Variants in PCDHGA5 observed in about 807,000 individuals in gnomAD.
PCDHGA5 encodes protocadherin gamma-A5.
In PCDHGA5, 36 loss-of-function variants were observed where a neutral mutation model predicts 56.7. The observed-to-expected ratio is 0.64, with a 90% CI of 0.49 to 0.84. The LOEUF is 0.84. PCDHGA5 is among the 40% of genes least tolerant of loss of function. PCDHGA5 has a pLI of 0.00. For missense variants in PCDHGA5, 1,305 were observed against 1,201.5 expected, an observed-to-expected ratio of 1.09 and a Z score of -1.27; for synonymous variants, 563 against 520.2, an observed-to-expected ratio of 1.08 and a Z score of -1.12.
intron 1 of PCDHGA5, chr5:141,388,959 G>C: frequency 6.2e-7 from 1 of 1,613,996 alleles, no homozygotes; most frequent in Non-Finnish European, 8.5e-7. Flanking sequence ...GGAGGACGCC[G>C]AGCTGGGAAC....
intron 1 of PCDHGA5, chr5:141,408,082 G>C (rs890768118): frequency 2.1e-6 from 3 of 1,417,248 alleles, no homozygotes; most frequent in Non-Finnish European, 1.9e-6. Flanking sequence ...TCCCAGCACA[G>C]CGGATTGCCA....
Position 141,422,522 on chromosome 5 carries a change from C to T in PCDHGA5, c.2421+55771C>T, listed in dbSNP as rs767482856. On this transcript the variant is annotated intron_variant, in intron 1 of 3. Coordinates refer to ENST00000518069, the MANE Select transcript of PCDHGA5 (RefSeq NM_018918.3). Reference sequence around the variant, plus strand: ...ACAGCCACAGACCAGGGAAGCCCGCCTTTGTCTGCAGAAACTCATGTCTGG... The same window carrying T: ...ACAGCCACAGACCAGGGAAGCCCGCTTTTGTCTGCAGAAACTCATGTCTGG... 11 of 1,614,014 alleles carry T rather than the reference C, an allele frequency of 6.8e-6. No homozygotes were observed. In the South Asian group the frequency reaches 1.1e-4, roughly 16 times the overall value.
intron 1 of PCDHGA5, among the ~76,000 whole-genome samples, chr5:141,437,781 A>G (rs957126405): frequency 7.3e-5 from 11 of 149,878 alleles, no homozygotes; most frequent in Admixed American, 6.7e-5. Flanking sequence ...ATCTGTCGCC[A>G]AGCTGGAGTG....
At chr5:141,414,670 A>G in intron 1 of PCDHGA5, 1 of 1,613,894 alleles carries the variant, frequency 6.2e-7, no homozygotes. Context: ...GGCTGAAGAC[A>G]CCATCCAGGG....
At position 141,491,832 on chromosome 5, in the gene PCDHGA5, C is replaced by T. The variant is rs755882255; in HGVS notation, c.2422-2975C>T. On this transcript the variant is annotated intron_variant, in intron 1 of 3. Coordinates refer to ENST00000518069, the MANE Select transcript of PCDHGA5 (RefSeq NM_018918.3). The surrounding 1 kb of genome is among the most constrained non-coding windows in gnomAD (Gnocchi z 6.9). ...GTCGCTGGCTGCGCTCCACCCGATT[C>T]TCGGGATCATTGGACCGTTTGCGCG... 1.6e-5 allele frequency: 24 copies of T among 1,474,306 alleles called. No individual in the cohort carries two copies. The highest frequency in any genetic ancestry group is 2.0e-5 in the Non-Finnish European group (22 of 1,112,688). 91.3% of individuals were successfully genotyped at this position (1,474,306 alleles called of 1,614,324 possible). A position where few individuals can be genotyped will look rare whatever the true frequency, so the allele number is the denominator to read the frequency against.
intron 1 of PCDHGA5, chr5:141,399,759 G>A: frequency 1.2e-6 from 2 of 1,613,348 alleles, no homozygotes; most frequent in Non-Finnish European, 1.7e-6. Flanking sequence ...ACGTGAGCCT[G>A]CGCGTGTTGG....
chr5:141,375,863 G>A, intron 1 of PCDHGA5: 3 of 1,613,986 alleles, frequency 1.9e-6, no homozygotes, highest in East Asian at 2.2e-5. Context: ...GGTGGTGGCG[G>A]TGGACAGAGA....
At chr5:141,403,196 G>A (rs762413220) in intron 1 of PCDHGA5, 6 of 1,613,986 alleles carry the variant, frequency 3.7e-6, no homozygotes, top group East Asian at 4.5e-5. Flanking sequence ...CCCGCGCAGC[G>A]GCACCTTGGT....
Position 141,365,007 on chromosome 5 carries a change from C to A in PCDHGA5, c.677C>A (p.Thr226Lys), listed in dbSNP as rs776739278. Residue 226 changes from threonine (T) to lysine (K), a missense_variant, in exon 1 of 4, where the codon ACG becomes AAG. Thr to Lys is a moderately conservative substitution (Grantham distance 78, BLOSUM62 -1). Coordinates refer to ENST00000518069, the MANE Select transcript of PCDHGA5 (RefSeq NM_018918.3). ...GGAGACCCGGTACTCTCCGGCACCA[C>A]GCACATCCGTGTTACGGTCCTCGAC... The part of the protein sequence containing the change: ...DGGDPVLSGT[T>K]HIRVTVLDAN... 3 of 1,613,922 alleles carry A rather than the reference C, an allele frequency of 1.9e-6. No individual in the cohort carries two copies. The highest frequency in any genetic ancestry group is 2.5e-6 in the Non-Finnish European group (3 of 1,179,908).
At position 141,432,644 on chromosome 5, in the gene PCDHGA5, G is replaced by A; in HGVS notation, c.2422-62163G>A. The A allele has an allele frequency of 1.2e-6, 2 of 1,613,812 alleles. No homozygotes were observed. The highest frequency in any genetic ancestry group is 1.7e-6 in the Non-Finnish European group (2 of 1,179,942). ...TCTGCACACGGGCGAGGTGCGCACG[G>A]CGCGAGCCCTGCTGGACAGAGACGC... On this transcript the variant is annotated intron_variant, in intron 1 of 3. Coordinates refer to ENST00000518069, the MANE Select transcript of PCDHGA5 (RefSeq NM_018918.3). The surrounding 1 kb of genome is among the most constrained non-coding windows in gnomAD (Gnocchi z 6.0).
chr5:141,433,352 T>C (rs976015031), intron 1 of PCDHGA5: 16 of 614,162 alleles, frequency 2.6e-5, no homozygotes, highest in Non-Finnish European at 3.7e-5. Flanking sequence ...AGCCACCTAC[T>C]GTCTGCCTAT....
intron 1 of PCDHGA5, chr5:141,373,900 C>G (rs1392088085): frequency 1.8e-6 from 1 of 550,068 alleles, no homozygotes; most frequent in Non-Finnish European, 3.0e-6. Context: ...CAAGTTACAT[C>G]CTCCAACAAC....
intron 2 of PCDHGA5, among the ~76,000 whole-genome samples, chr5:141,497,132 G>T (rs2099774325): frequency 6.6e-6 from 1 of 152,046 alleles, no homozygotes; most frequent in Non-Finnish European, 1.5e-5. Context: ...GTTGCAGTGA[G>T]CTGAGATCAC....
At chr5:141,404,806 G>T (rs774487660) in intron 1 of PCDHGA5, 2 of 1,613,992 alleles carry the variant, frequency 1.2e-6, no homozygotes, top group South Asian at 1.1e-5. Context: ...GGCTCTTCTC[G>T]GTGGGGCTGC....
Position 141,487,298 on chromosome 5 carries a change from G to T in PCDHGA5, c.2422-7509G>T. 6.2e-7 allele frequency: 1 copy of T among 1,614,072 alleles called. No individual in the cohort carries two copies. Among genetic ancestry groups the T allele is most frequent in the Non-Finnish European group, 8.5e-7 (1 of 1,180,018 alleles). ...TTGCTTTGTCTCCTTTGGCTCATTC[G>T]TGGCACTACTCTCTAAGTGTCTTCG... On this transcript the variant is annotated intron_variant, in intron 1 of 3. Coordinates refer to ENST00000518069, the MANE Select transcript of PCDHGA5 (RefSeq NM_018918.3). This position sits in a 1 kb window ranked among gnomAD's most constrained non-coding sequence, Gnocchi z 5.0.
At position 141,511,355 on chromosome 5, in the gene PCDHGA5, G is replaced by A; in HGVS notation, c.*182G>A. On this transcript the variant is annotated 3_prime_UTR_variant, in exon 4 of 4. Coordinates refer to ENST00000518069, the MANE Select transcript of PCDHGA5 (RefSeq NM_018918.3). ...TCAGCACCTACCCCTTCCCCCCCAG[G>A]GGGTTGAATATGCAAAAGCAGTTCC... 4 of 1,379,256 alleles carry A rather than the reference G, an allele frequency of 2.9e-6. No individual in the cohort carries two copies. The highest frequency in any genetic ancestry group is 3.9e-6 in the Non-Finnish European group (4 of 1,035,886). 85.4% of individuals were successfully genotyped at this position (1,379,256 alleles called of 1,614,324 possible).
chr5:141,371,947 G>A (rs1208928523), intron 1 of PCDHGA5: 3 of 1,613,182 alleles, frequency 1.9e-6, no homozygotes, highest in Admixed American at 3.3e-5. Context: ...TTCGCGCAGC[G>A]AGCCTTCGAC....
At chr5:141,403,119 C>T in intron 1 of PCDHGA5, 1 of 1,614,060 alleles carries the variant, frequency 6.2e-7, no homozygotes, top group Non-Finnish European at 8.5e-7. Flanking sequence ...GCTCTGGAGC[C>T]CCGGGAGCTG....
At position 141,366,483 on chromosome 5, in the gene PCDHGA5, G is replaced by A; in HGVS notation, c.2153G>A (p.Arg718His). ...VIVLLVLRLRRWHKSRLLQAE... is the reference protein window; with the variant it reads ...VIVLLVLRLRHWHKSRLLQAE... The stretch of plus-strand genomic sequence containing the variant: ...GTGCTGCTGGTGCTCAGACTGAGGC[G>A]CTGGCACAAGTCACGCCTGCTTCAG... Residue 718 changes from arginine (R) to histidine (H), a missense_variant, in exon 1 of 4, where the codon CGC (arginine) becomes CAC (histidine). Transcript: ENST00000518069. The A allele has an allele frequency of 6.2e-7, 1 of 1,614,236 alleles. No homozygotes were observed. The highest frequency in any genetic ancestry group is 1.1e-5 in the South Asian group (1 of 91,090).
Sources: allele counts gnomAD v4.1 joint callset (sites outside exome capture counted in the v4.1 genomes callset), GRCh38; gene constraint gnomAD v4.1.1; non-coding constraint Gnocchi (gnomAD v3.1); transcripts MANE v1.5; gene names NCBI Gene and HGNC (gene_info 2026-07-23, HGNC 2026-07-21).